The following CPNE5 variants were observed in gnomAD, a reference collection of about 807,000 sequenced individuals.
CPNE5 encodes the protein copine-5.
In CPNE5, 42 loss-of-function variants were observed where a neutral mutation model predicts 81.1. That is an observed-to-expected ratio of 0.52 (90% CI 0.40 to 0.67). CPNE5 has a LOEUF of 0.67. Among genes scored for constraint, CPNE5 ranks in the 30% least tolerant of loss-of-function variants. The pLI is 0.00. For missense variants in CPNE5, 612 were observed against 815.5 expected (o/e 0.75, Z 3.04); for synonymous variants, 313 against 321.5 (o/e 0.97, Z 0.28).
Position 36,778,418 on chromosome 6 carries a change from C to T in CPNE5, c.632+436G>A, listed in dbSNP as rs975523089. Among the ~76,000 whole-genome samples, 16 of 152,180 alleles carry T rather than the reference C, an allele frequency of 1.1e-4. 1 individual carries two copies. In the Middle Eastern group the frequency reaches 0.014, roughly 129 times the overall value. ...ACTGGCCCTGTTGTGTGGGCAGTAGCGGGGGGCCAGACTGGGGGCTGCTCA... is the reference window on the plus strand; with the variant it reads ...ACTGGCCCTGTTGTGTGGGCAGTAGTGGGGGGCCAGACTGGGGGCTGCTCA... On this transcript the variant is annotated intron_variant, in intron 9 of 20. Coordinates refer to ENST00000244751, the MANE Select transcript of CPNE5 (RefSeq NM_020939.2).
rs570187790 is a variant in CPNE5, at chr6:36,742,001, G to T, written c.*267C>A. The stretch of plus-strand genomic sequence containing the variant: ...CTTATTGTTTACACCTTCCTGGCTG[G>T]GTTAGAGCCAGGTATTGGGGAAGAA... On this transcript the variant is annotated 3_prime_UTR_variant, in exon 21 of 21. Coordinates refer to ENST00000244751, the MANE Select transcript of CPNE5 (RefSeq NM_020939.2). 1.1e-5 allele frequency: 5 copies of T among 470,946 alleles called. No individual in the cohort carries two copies. The highest frequency in any genetic ancestry group is 1.9e-5 in the Non-Finnish European group (5 of 264,984). The allele number at this position is 470,946 out of a possible 1,614,324, so 29.2% of individuals were successfully genotyped here.
intron 1 of CPNE5, among the ~76,000 whole-genome samples, chr6:36,828,353 G>T (rs963921974): frequency 3.3e-5 from 5 of 151,690 alleles, no homozygotes; most frequent in African/African-American, 1.2e-4. Context: ...AGAGGCTGGG[G>T]TGTACCATCC....
Position 36,746,589 on chromosome 6 carries a change from G to C in CPNE5, c.1019-12C>G, listed in dbSNP as rs1382170589. On this transcript the variant is annotated splice_polypyrimidine_tract_variant and intron_variant, in intron 15 of 20. Coordinates refer to ENST00000244751, the MANE Select transcript of CPNE5 (RefSeq NM_020939.2). The surrounding 1 kb of genome is among the most constrained non-coding windows in gnomAD (Gnocchi z 4.5). ...CTGTGAGGGGTTCCCTGTAACACAG[G>C]ACATGGGAGCCTTTGACCATCTGGA... 6.2e-7 allele frequency: 1 copy of C among 1,605,616 alleles called. No homozygotes were observed. Among genetic ancestry groups the C allele is most frequent in the Admixed American group, 1.7e-5 (1 of 58,060 alleles).
Position 36,745,081 on chromosome 6 carries a change from C to T in CPNE5, c.1398G>A (p.Ser466=), listed in dbSNP as rs560713230. ...TGGCCTCCTTGGTCTGCGCCATGTC[C>T]GAGATGACCCCATCAGTAATGATGA... ...VLLIITDGVI[S]DMAQTKEAIV... is the part of the protein sequence containing the mutation. Residue 466 remains serine, a synonymous_variant, in exon 18 of 21, where the codon TCG becomes TCA. Transcript: ENST00000244751. 1.9e-5 allele frequency: 30 copies of T among 1,614,002 alleles called. No homozygotes were observed. Among genetic ancestry groups the T allele is most frequent in the African/African-American group, 1.1e-4 (8 of 74,930 alleles).
chr6:36,827,450 T>C (rs867818011), intron 1 of CPNE5: 7 of 985,204 alleles, frequency 7.1e-6, no homozygotes, highest in Non-Finnish European at 7.2e-6. Context: ...GCTGTGTAGG[T>C]CTGAAGCAGG....
chr6:36,777,083 A>T (rs1037381657), intron 9 of CPNE5, among the ~76,000 whole-genome samples: 2 of 152,244 alleles, frequency 1.3e-5, no homozygotes, highest in Admixed American at 1.3e-4. Flanking sequence ...CTTGCCCCCA[A>T]ATAAACTCCC....
intron 10 of CPNE5, among the ~76,000 whole-genome samples, chr6:36,768,225 C>CTT (rs10586762): frequency 0.057 from 3,465 of 60,426 alleles, 807 homozygotes; most frequent in African/African-American, 0.11. Flanking sequence ...ATTCACAGTT[C>CTT]TTTTTTTTTT....
intron 9 of CPNE5, among the ~76,000 whole-genome samples, chr6:36,776,773 A>G (rs1347622661): frequency 2.0e-5 from 3 of 151,914 alleles, no homozygotes; most frequent in Non-Finnish European, 2.9e-5. Context: ...GGGGCACAGC[A>G]GGTGCCTCCT....
intron 18 of CPNE5, 83 bp from the exon 19 acceptor site, chr6:36,744,408 G>A: frequency 9.5e-7 from 1 of 1,049,202 alleles, no homozygotes; most frequent in Non-Finnish European, 1.5e-6. Flanking sequence ...GGGTAGGACA[G>A]GAAGGGGTGG....
At chr6:36,768,617 C>CT (rs1766791747) in intron 10 of CPNE5, among the ~76,000 whole-genome samples, 2 of 152,196 alleles carry the variant, frequency 1.3e-5, no homozygotes, top group Admixed American at 1.3e-4. Flanking sequence ...GCCTTGGCTC[C>CT]TAACCCCTTA....
intron 1 of CPNE5, among the ~76,000 whole-genome samples, chr6:36,834,249 T>C (rs1423112820): frequency 8.6e-5 from 1 of 11,654 alleles, no homozygotes; most frequent in Admixed American, 1.5e-3. Context: ...ACAGAGACTG[T>C]ATCTCAAAAA....
At chr6:36,743,061 C>G in intron 20 of CPNE5, 4 of 985,410 alleles carry the variant, frequency 4.1e-6, no homozygotes, top group Non-Finnish European at 4.8e-6. Context: ...TTCCAGCCCC[C>G]TATGTTTGGT....
chr6:36,795,073 A>G (rs767393322), intron 6 of CPNE5, among the ~76,000 whole-genome samples: 20 of 152,224 alleles, frequency 1.3e-4, no homozygotes, highest in Non-Finnish European at 2.5e-4. Flanking sequence ...ACATGAGATC[A>G]TGATATGGGC....
At chr6:36,785,751 G>A (rs572078138) in intron 8 of CPNE5, among the ~76,000 whole-genome samples, 3 of 152,166 alleles carry the variant, frequency 2.0e-5, no homozygotes, top group South Asian at 2.1e-4. Flanking sequence ...TGTGGCTCAC[G>A]CCTGTAATCC....
chr6:36,786,926 AT>A (rs369526347), intron 8 of CPNE5, among the ~76,000 whole-genome samples: 3,445 of 151,120 alleles, frequency 0.023, 150 homozygotes, highest in African/African-American at 0.08. Context: ...TGAATATGTT[AT>A]TTTTTTTTAG....
At chr6:36,745,659 G>A (rs1351976208) in intron 16 of CPNE5, 144 bp from the exon 17 acceptor site, 19 of 876,586 alleles carry the variant, frequency 2.2e-5, no homozygotes, top group Non-Finnish European at 3.2e-5. Context: ...GCAGGGGAGG[G>A]AGCTCCCAGG....
intron 1 of CPNE5, among the ~76,000 whole-genome samples, chr6:36,833,861 A>G (rs539258549): frequency 6.6e-6 from 1 of 152,274 alleles, no homozygotes; most frequent in African/African-American, 2.4e-5. Context: ...CAAAGCCACT[A>G]AGTTTGTGGT....
Position 36,822,138 on chromosome 6 carries a change from C to T in CPNE5, c.159G>A (p.Gly53=). Residue 53 remains glycine (G), a synonymous_variant, in exon 3 of 21, where the codon GGG becomes GGA. Transcript: ENST00000244751. ...SDPLCVMYTQ[G]MENKQWREFG... ...CCTCCCGCCACTGCTTGTTCTCCAT[C>T]CCTTGGGTATACATGACGCACACTG... is the stretch of plus-strand genomic sequence containing the variant. 1 of 1,537,978 alleles carries T rather than the reference C, an allele frequency of 6.5e-7. No homozygotes were observed.
intron 3 of CPNE5, among the ~76,000 whole-genome samples, chr6:36,803,941 C>T (rs1406540560): frequency 6.6e-6 from 1 of 152,050 alleles, no homozygotes; most frequent in Non-Finnish European, 1.5e-5. Flanking sequence ...AGTTGAGAAC[C>T]ACTAATGAAT....
Sources: gnomAD v4.1 joint callset for allele counts (sites outside exome capture counted in the v4.1 genomes callset) on GRCh38, gnomAD v4.1.1 for gene constraint, Gnocchi (gnomAD v3.1) non-coding constraint, MANE v1.5 for transcripts, NCBI Gene and HGNC (gene_info 2026-07-23, HGNC 2026-07-21) for gene names.